DLG5: variants seen among roughly 807,000 people sequenced by gnomAD.
The protein encoded by DLG5 is discs large MAGUK scaffold protein 5, also known as disks large homolog 5.
In DLG5, 48 loss-of-function variants were observed where a neutral mutation model predicts 189.8. The observed-to-expected ratio is 0.25, with a 90% CI of 0.20 to 0.32. The LOEUF (loss-of-function observed/expected upper bound fraction) is 0.32, where lower values mean the gene tolerates loss of function less well. DLG5 is among the 10% of genes least tolerant of loss of function. The probability of loss-of-function intolerance (pLI) is 1.00; values close to 1 mark genes in which losing one functional copy is unlikely to be tolerated. For missense variants in DLG5, 2,160 were observed against 2,544.7 expected (o/e 0.85, Z 3.25); for synonymous variants, 1,016 against 1,054.1 (o/e 0.96, Z 0.70).
intron 2 of DLG5, chr10:77,868,259 T>C (rs1249522444): frequency 5.3e-6 from 2 of 375,278 alleles, no homozygotes; most frequent in East Asian, 7.3e-5. Flanking sequence ...CTACCTTCCC[T>C]TACTGCAGCT....
intron 1 of DLG5, among the ~76,000 whole-genome samples, chr10:77,914,395 G>C (rs757818958): frequency 2.3e-4 from 35 of 152,170 alleles, no homozygotes; most frequent in Non-Finnish European, 4.4e-4. Context: ...GCTTGCTCCT[G>C]TCTCACCTAA....
chr10:77,914,905 T>C (rs1322305171), intron 1 of DLG5, among the ~76,000 whole-genome samples: 1 of 152,194 alleles, frequency 6.6e-6, no homozygotes, highest in African/African-American at 2.4e-5. Context: ...CAAAGAATAA[T>C]GATCACAAAA....
intron 1 of DLG5, among the ~76,000 whole-genome samples, chr10:77,894,519 C>T (rs1001505796): frequency 1.5e-5 from 2 of 133,308 alleles, no homozygotes; most frequent in Non-Finnish European, 3.2e-5. Context: ...AATGTGCATG[C>T]TTTATTGTCA....
intron 1 of DLG5, among the ~76,000 whole-genome samples, chr10:77,924,195 A>T (rs1439583258): frequency 6.6e-6 from 1 of 152,148 alleles, no homozygotes; most frequent in African/African-American, 2.4e-5. Context: ...AGTAAAATGA[A>T]CTTAACTTCT....
Position 77,822,010 on chromosome 10 carries a change from G to A in DLG5, c.2474C>T (p.Pro825Leu), listed in dbSNP as rs376750224. 80 of 1,614,174 alleles carry A rather than the reference G, an allele frequency of 5.0e-5. No individual in the cohort carries two copies. The highest frequency in any genetic ancestry group is 2.4e-4 in the African/African-American group (18 of 75,038). The change falls in exon 15 of 32, where the codon CCG (proline) becomes CTG (leucine). Residue 825 changes from proline (P) to leucine (L), a missense_variant. Physicochemically the swap from Pro to Leu is moderately conservative, Grantham distance 98. Coordinates refer to ENST00000372391, the MANE Select transcript of DLG5 (RefSeq NM_004747.4). ...DKMLSFRAHGPEVQAHNKRNL... is the reference protein window; with the variant it reads ...DKMLSFRAHGLEVQAHNKRNL... Reference sequence around the variant, plus strand: ...CCGTTTGTTATGAGCCTGGACCTCCGGGCCATGGGCTCGAAAACTCAGCAT... The same window carrying A: ...CCGTTTGTTATGAGCCTGGACCTCCAGGCCATGGGCTCGAAAACTCAGCAT...
At chr10:77,879,418 A>C (rs2559657) in intron 1 of DLG5, among the ~76,000 whole-genome samples, 112,443 of 151,664 alleles carry the variant, frequency 0.74, 42,591 homozygotes, top group African/African-American at 0.9. Context: ...AGACGGGAAA[A>C]CTCTGGAAGG....
rs149290286 is a variant in DLG5, at chr10:77,890,373, T to C, written c.305-21176A>G. 7.5e-4 allele frequency among the ~76,000 whole-genome samples: 114 copies of C among 152,238 alleles called. 1 individual carries two copies. The highest frequency in any genetic ancestry group is 2.6e-3 in the African/African-American group (109 of 41,528). On this transcript the variant is annotated intron_variant, in intron 1 of 31. Coordinates refer to ENST00000372391, the MANE Select transcript of DLG5 (RefSeq NM_004747.4). ...CACTGCCACGATGTGGCCACACCTC[T>C]CATAGCTCAACTCATCTCATCCACC...
intron 14 of DLG5, among the ~76,000 whole-genome samples, chr10:77,822,389 T>C (rs1842414276): frequency 1.3e-5 from 2 of 152,218 alleles, no homozygotes; most frequent in Non-Finnish European, 2.9e-5. Flanking sequence ...CTCATGCCTG[T>C]AATCCCAGCG....
chr10:77,812,345 A>G lies in DLG5; in HGVS notation c.4058T>C (p.Val1353Ala). The G allele has an allele frequency of 6.2e-7, 1 of 1,613,786 alleles. No homozygotes were observed. The highest frequency in any genetic ancestry group is 8.5e-7 in the Non-Finnish European group (1 of 1,179,700). Residue 1353 changes from valine to alanine, a missense_variant, in exon 21 of 32, where the codon GTG (valine) becomes GCG (alanine). Val to Ala is a moderately conservative substitution (Grantham distance 64). This residue lies in a region of DLG5 where 754 missense variants were observed against 746.5 expected (regional missense o/e 1.01). Transcript: ENST00000372391. ...GCCCAGCGGCTCTGAGCCCTTCTGCACCTTCACGTGGCGTGGCTCCTCCAC... is the reference window on the plus strand; with the variant it reads ...GCCCAGCGGCTCTGAGCCCTTCTGCGCCTTCACGTGGCGTGGCTCCTCCAC... ...PYVEEPRHVK[V>A]QKGSEPLGIS...
chr10:77,830,170 G>A (rs1280247780), intron 11 of DLG5, 47 bp downstream of exon 11: 2 of 1,611,420 alleles, frequency 1.2e-6, no homozygotes, highest in Non-Finnish European at 1.7e-6. Flanking sequence ...TCTGCACTGG[G>A]AAGAAGGGCC....
intron 1 of DLG5, among the ~76,000 whole-genome samples, chr10:77,890,396 A>C: frequency 6.6e-6 from 1 of 151,668 alleles, no homozygotes; most frequent in African/African-American, 2.4e-5. Flanking sequence ...CATCTCATCC[A>C]CCCCACGATT....
chr10:77,820,578 G>A (rs12260860), intron 15 of DLG5: 6,646 of 172,600 alleles, frequency 0.039, 269 homozygotes, highest in East Asian at 0.24. Flanking sequence ...ATGCACAAGT[G>A]CATCAGGCAC....
intron 1 of DLG5, among the ~76,000 whole-genome samples, chr10:77,902,142 G>A (rs1211960912): frequency 6.6e-6 from 1 of 152,166 alleles, no homozygotes; most frequent in Non-Finnish European, 1.5e-5. Context: ...TGGACACTGA[G>A]GAGATGCCGT....
At chr10:77,803,470 T>C (rs1841318356) in intron 27 of DLG5, among the ~76,000 whole-genome samples, 1 of 152,118 alleles carries the variant, frequency 6.6e-6, no homozygotes. Flanking sequence ...ACAGAAAAGT[T>C]TGAAGTAAAA....
chr10:77,884,349 G>A (rs1405692672), intron 1 of DLG5, among the ~76,000 whole-genome samples: 1 of 152,194 alleles, frequency 6.6e-6, no homozygotes, highest in Non-Finnish European at 1.5e-5. Flanking sequence ...AAGGCACAAG[G>A]TGCATCTTGA....
Position 77,807,716 on chromosome 10 carries a change from C to T in DLG5, c.4796+80G>A, listed in dbSNP as rs1432279170. The T allele has an allele frequency of 3.3e-6, 5 of 1,499,120 alleles. No homozygotes were observed. In the East Asian group the frequency reaches 1.1e-4, roughly 34 times the overall value. The allele number at this position is 1,499,120 out of a possible 1,614,324, so 92.9% of individuals were successfully genotyped here. ...GCCTTGGGGGGCAAGAAACAGAGAG[C>T]CATTCACCAGGAAAAGAGTCTCCAG... On this transcript the variant is annotated intron_variant, in intron 25 of 31. Coordinates refer to ENST00000372391, the MANE Select transcript of DLG5 (RefSeq NM_004747.4).
Position 77,819,310 on chromosome 10 carries a change from C to A in DLG5, c.3671+11G>T. The A allele has an allele frequency of 1.9e-6, 3 of 1,613,732 alleles. No homozygotes were observed. Among genetic ancestry groups the A allele is most frequent in the Non-Finnish European group, 2.5e-6 (3 of 1,179,964 alleles). On this transcript the variant is annotated intron_variant, in intron 17 of 31. Coordinates refer to ENST00000372391, the MANE Select transcript of DLG5 (RefSeq NM_004747.4). ...CTGGAGTACAGAGAAGCGTAGGGTG[C>A]CTTCACATACCTGGGATGCAAACCC... is the stretch of plus-strand genomic sequence containing the variant.
At chr10:77,823,054 T>C (rs10430530) in intron 14 of DLG5, among the ~76,000 whole-genome samples, 44,012 of 152,154 alleles carry the variant, frequency 0.29, 6,690 homozygotes, top group Non-Finnish European at 0.35. Flanking sequence ...ATGTAAACTA[T>C]GCATTATAGT....
Position 77,828,995 on chromosome 10 carries a change from A to G in DLG5, c.2186-10T>C, listed in dbSNP as rs1471165562. The G allele has an allele frequency of 6.2e-7, 1 of 1,613,680 alleles. No homozygotes were observed. The highest frequency in any genetic ancestry group is 1.7e-5 in the Admixed American group (1 of 59,978). The stretch of plus-strand genomic sequence containing the variant: ...AGACTGATGCCACTGTCTGCAAGCC[A>G]CAGGAGGTCACTGGGTAGCCCCTGG... On this transcript the variant is annotated splice_polypyrimidine_tract_variant and intron_variant, in intron 12 of 31. Transcript: ENST00000372391.
Sources: allele counts gnomAD v4.1 joint callset (sites outside exome capture counted in the v4.1 genomes callset), GRCh38; gene constraint gnomAD v4.1.1; regional missense constraint gnomAD v4.1.1; transcripts MANE v1.5; gene names NCBI Gene and HGNC (gene_info 2026-07-23, HGNC 2026-07-21).